Variants in PEX3 observed in about 807,000 individuals in gnomAD.
PEX3 encodes the protein peroxisomal biogenesis factor 3.
Under a neutral mutation model 55.8 loss-of-function variants are expected in PEX3, and 30 were observed. The observed-to-expected ratio is 0.54, with a 90% CI of 0.40 to 0.73. PEX3 has a LOEUF of 0.73. PEX3 is among the 30% of genes least tolerant of loss of function. The pLI is 0.00. For missense variants in PEX3, 351 were observed against 432.8 expected (o/e 0.81, Z 1.68); for synonymous variants, 135 against 148.4 (o/e 0.91, Z 0.66).
rs1042073858 is a variant in PEX3, at chr6:143,454,403, C to T, written c.73+3288C>T. Among the ~76,000 whole-genome samples the T allele has an allele frequency of 6.6e-6, 1 of 152,244 alleles. No individual in the cohort carries two copies. Among genetic ancestry groups the T allele is most frequent in the Non-Finnish European group, 1.5e-5 (1 of 68,038 alleles). On this transcript the variant is annotated intron_variant, in intron 1 of 11. Transcript: ENST00000367591. This position sits in a 1 kb window ranked among gnomAD's most constrained non-coding sequence, Gnocchi z 4.3. The stretch of plus-strand genomic sequence containing the variant: ...GGAAAAAGTTTTGGAGAACAGAGAG[C>T]AACCAGATTGATATTTATTGACTTA...
chr6:143,473,218 C>T (rs1780098977), intron 8 of PEX3, among the ~76,000 whole-genome samples: 1 of 152,054 alleles, frequency 6.6e-6, no homozygotes, highest in Non-Finnish European at 1.5e-5. Flanking sequence ...TGTTTGGGTG[C>T]TGAGAGATCC....
rs971087881 is a variant in PEX3, at chr6:143,479,043, T to C, written c.819-33T>C. On this transcript the variant is annotated intron_variant, in intron 9 of 11. Transcript: ENST00000367591. This position sits in a 1 kb window ranked among gnomAD's most constrained non-coding sequence, Gnocchi z 4.6. ...TTTGTTTTCTCTTCCATTCAGAGTC[T>C]AAAAAGTAACTTATACTTCTTACTT... The C allele has an allele frequency of 2.8e-6, 4 of 1,418,870 alleles. No homozygotes were observed. The highest frequency in any genetic ancestry group is 4.0e-6 in the Non-Finnish European group (4 of 1,003,928). The allele number at this position is 1,418,870 out of a possible 1,614,324, so 87.9% of individuals were successfully genotyped here.
intron 2 of PEX3, among the ~76,000 whole-genome samples, chr6:143,461,520 A>T (rs1779919301): frequency 6.6e-6 from 1 of 152,202 alleles, no homozygotes; most frequent in Non-Finnish European, 1.5e-5. Flanking sequence ...GAGCAATGAT[A>T]ATGGTGTTAC....
rs189389297 is a variant in PEX3 at position 143,451,480 on chromosome 6, C to G, written c.73+365C>G. 5.3e-5 allele frequency among the ~76,000 whole-genome samples: 8 copies of G among 152,290 alleles called. No homozygotes were observed. Among genetic ancestry groups the G allele is most frequent in the Non-Finnish European group, 1.0e-4 (7 of 68,028 alleles). The stretch of plus-strand genomic sequence containing the variant: ...AGATTCTGCATTTCTCCTTGGCACT[C>G]TTGATACTTTGGCTCTCACCCTTCT... On this transcript the variant is annotated intron_variant, in intron 1 of 11. Transcript: ENST00000367591. This position sits in a 1 kb window ranked among gnomAD's most constrained non-coding sequence, Gnocchi z 4.1.
intron 8 of PEX3, among the ~76,000 whole-genome samples, chr6:143,473,194 G>A (rs1487549853): frequency 6.6e-6 from 1 of 152,058 alleles, no homozygotes; most frequent in Non-Finnish European, 1.5e-5. Flanking sequence ...CATTGCCAGA[G>A]ACAAAGATGA....
intron 1 of PEX3, among the ~76,000 whole-genome samples, chr6:143,452,992 T>C (rs1193783923): frequency 6.6e-6 from 1 of 152,202 alleles, no homozygotes; most frequent in Non-Finnish European, 1.5e-5. Context: ...CATTCAAAAA[T>C]GTGGCAGCAA....
intron 9 of PEX3, 92 bp from the exon 10 acceptor site, chr6:143,478,984 G>A (rs1780190684): frequency 1.4e-6 from 1 of 733,074 alleles, no homozygotes; most frequent in East Asian, 2.5e-5. Flanking sequence ...TAGAAATGTT[G>A]GTGGCTTTCA....
At chr6:143,461,912 C>T (rs538274233) in intron 2 of PEX3, among the ~76,000 whole-genome samples, 5 of 152,212 alleles carry the variant, frequency 3.3e-5, no homozygotes, top group Non-Finnish European at 7.3e-5. Context: ...TGCACCACTG[C>T]ACTCCAGCCT....
chr6:143,481,151 TATATA>T (rs1780235277), intron 10 of PEX3, among the ~76,000 whole-genome samples: 2 of 41,366 alleles, frequency 4.8e-5, no homozygotes, highest in African/African-American at 6.9e-4. Flanking sequence ...CTTTAATTTA[TATATA>T]TATATATATA....
intron 8 of PEX3, among the ~76,000 whole-genome samples, chr6:143,474,367 G>A (rs1202628848): frequency 1.3e-5 from 2 of 151,390 alleles, no homozygotes; most frequent in African/African-American, 4.9e-5. Context: ...GTTGAGGCAG[G>A]AGAATCACTT....
chr6:143,474,273 C>G (rs1463954193), intron 8 of PEX3, among the ~76,000 whole-genome samples: 1 of 151,944 alleles, frequency 6.6e-6, no homozygotes, highest in Non-Finnish European at 1.5e-5. Flanking sequence ...TATGGTGAAA[C>G]CCTGTCTCTA....
At position 143,451,253 on chromosome 6, in the gene PEX3, A is replaced by G. The variant is rs960558689; in HGVS notation, c.73+138A>G. 3.8e-5 allele frequency: 28 copies of G among 727,718 alleles called. No homozygotes were observed. In the East Asian group the frequency reaches 7.1e-4, roughly 19 times the overall value. 45.1% of individuals were successfully genotyped at this position (727,718 alleles called of 1,614,324 possible). On this transcript the variant is annotated intron_variant, in intron 1 of 11. Transcript: ENST00000367591. The surrounding 1 kb of genome is among the most constrained non-coding windows in gnomAD (Gnocchi z 4.1). The stretch of plus-strand genomic sequence containing the variant: ...TCGATCAACCATGGGATGAAAAGGG[A>G]GGTGGCCAACCTCCAGGGTTCTCCC...
chr6:143,480,304 A>G (rs962238945), intron 10 of PEX3, among the ~76,000 whole-genome samples: 11 of 152,206 alleles, frequency 7.2e-5, no homozygotes, highest in African/African-American at 2.7e-4. Context: ...ATAGCAAGAT[A>G]TTCGTTATTT....
In PEX3 at chr6:143,462,617, A is replaced by G. The variant is rs1371943056; in HGVS notation, c.206-299A>G. On this transcript the variant is annotated intron_variant, in intron 2 of 11. Transcript: ENST00000367591. The surrounding 1 kb of genome is among the most constrained non-coding windows in gnomAD (Gnocchi z 4.1). The stretch of plus-strand genomic sequence containing the variant: ...AGGAATTGTTCATAATCCATAGCTC[A>G]AAGACCACCACTGTTAAAATCTGAG... Among the ~76,000 whole-genome samples the G allele has an allele frequency of 6.6e-6, 1 of 152,228 alleles. No homozygotes were observed. Among genetic ancestry groups the G allele is most frequent in the Admixed American group, 6.5e-5 (1 of 15,290 alleles).
chr6:143,474,652 G>T, intron 8 of PEX3, 134 bp from the exon 9 acceptor site: 2 of 658,116 alleles, frequency 3.0e-6, no homozygotes, highest in South Asian at 1.7e-5. Context: ...TGGTGGGGGA[G>T]GGTCTAACTT....
rs186484818 is a variant in PEX3 at position 143,454,679 on chromosome 6, G to T, written c.73+3564G>T. Among the ~76,000 whole-genome samples, 24 of 152,334 alleles carry T rather than the reference G, an allele frequency of 1.6e-4. No homozygotes were observed. Among genetic ancestry groups the T allele is most frequent in the African/African-American group, 5.5e-4 (23 of 41,574 alleles). On this transcript the variant is annotated intron_variant, in intron 1 of 11. Transcript: ENST00000367591. This position sits in a 1 kb window ranked among gnomAD's most constrained non-coding sequence, Gnocchi z 4.3. ...TAGTATAGTACAAAAATAGAGCAGG[G>T]TGTTGTGGGAGCATTGATGAGAAGA...
intron 1 of PEX3, among the ~76,000 whole-genome samples, chr6:143,456,587 C>A (rs1562650459): frequency 6.6e-6 from 1 of 152,042 alleles, no homozygotes; most frequent in Non-Finnish European, 1.5e-5. Context: ...CTATTCCAAC[C>A]CTCTCACCAT....
chr6:143,473,933 C>G (rs1274657820), intron 8 of PEX3, among the ~76,000 whole-genome samples: 2 of 151,288 alleles, frequency 1.3e-5, no homozygotes, highest in Non-Finnish European at 3.0e-5. Flanking sequence ...TTGAGACCAG[C>G]CTGGGAAGCA....
intron 3 of PEX3, among the ~76,000 whole-genome samples, chr6:143,467,899 T>G (rs1780013098): frequency 1.3e-5 from 2 of 152,128 alleles, no homozygotes; most frequent in South Asian, 4.1e-4. Flanking sequence ...TACATAACAC[T>G]CAAGGAGAAA....
Sources: gnomAD v4.1 joint callset for allele counts (sites outside exome capture counted in the v4.1 genomes callset) on GRCh38, gnomAD v4.1.1 for gene constraint, Gnocchi (gnomAD v3.1) non-coding constraint, MANE v1.5 for transcripts, NCBI Gene and HGNC (gene_info 2026-07-23, HGNC 2026-07-21) for gene names.